Variants in DGCR8 observed in about 807,000 individuals in gnomAD.
DGCR8 encodes the protein microprocessor complex subunit DGCR8.
Under a neutral mutation model 78.5 loss-of-function variants are expected in DGCR8, and 14 were observed. The observed-to-expected ratio is 0.18, with a 90% CI of 0.12 to 0.28. The LOEUF (loss-of-function observed/expected upper bound fraction) is 0.28, where lower values mean the gene tolerates loss of function less well. Among genes scored for constraint, DGCR8 ranks in the 10% least tolerant of loss-of-function variants. The pLI, the probability that DGCR8 is intolerant of heterozygous loss-of-function variation, is 1.00. For synonymous variants in DGCR8, 399 were observed against 402.4 expected (o/e 0.99, Z 0.10); for missense variants, 702 against 1,022.5 (o/e 0.69, Z 4.28).
At position 20,105,009 on chromosome 22, in the gene DGCR8, C is replaced by T. The variant is rs1050544212; in HGVS notation, c.1789-1168C>T. Among the ~76,000 whole-genome samples, 3 of 152,232 alleles carry T rather than the reference C, an allele frequency of 2.0e-5. No homozygotes were observed. In the East Asian group the frequency reaches 5.8e-4, roughly 29 times the overall value. On this transcript the variant is annotated intron_variant, in intron 9 of 13. Transcript: ENST00000351989. ...AGGCTCCAGGTCCCTGCAGACCCCTCCAGAACAGGGCCAGTGGGGGAAGCA... is the reference window on the plus strand; with the variant it reads ...AGGCTCCAGGTCCCTGCAGACCCCTTCAGAACAGGGCCAGTGGGGGAAGCA...
rs751900418 is a variant in DGCR8 at position 20,094,699 on chromosome 22, CTT to C, written c.1706-7_1706-6del. 27 of 1,611,760 alleles carry C rather than the reference CTT, an allele frequency of 1.7e-5. No individual in the cohort carries two copies. The highest frequency in any genetic ancestry group is 2.0e-5 in the Non-Finnish European group (24 of 1,178,254). ...AGTGCCCAAGCCTCACCCTCGGGCT[CTT>C]TTTTTTCATAGCCCGAGCTACACTG... On this transcript the variant is annotated splice_polypyrimidine_tract_variant and intron_variant, in intron 8 of 13. Transcript: ENST00000351989.
chr22:20,109,723 T>C (rs1024668144), intron 13 of DGCR8, among the ~76,000 whole-genome samples: 6 of 152,210 alleles, frequency 3.9e-5, no homozygotes, highest in African/African-American at 1.4e-4. Flanking sequence ...GAACACCCAA[T>C]GGGGAGGCCT....
At chr22:20,106,357 G>T in intron 10 of DGCR8, 80 bp downstream of exon 10, 1 of 1,296,162 alleles carries the variant, frequency 7.7e-7, no homozygotes. Flanking sequence ...GTGGCTGTTT[G>T]TCCCAAGGCA....
rs1281233461 is a variant in DGCR8, at chr22:20,091,614, G to C, written c.1486G>C (p.Asp496His). The stretch of plus-strand genomic sequence containing the variant: ...GAAGCTCATTACTTTATCAGTGCAA[G>C]ATGCACCCACAAAGAAAGGTATAAG... ...NQKLITLSVQDAPTKKEFVIN... is the reference protein window; with the variant it reads ...NQKLITLSVQHAPTKKEFVIN... The change falls in exon 6 of 14, where the codon GAT becomes CAT. Residue 496 changes from aspartate (D) to histidine (H), a missense_variant. Physicochemically the swap from Asp to His is moderately conservative, Grantham distance 81. Around this residue, in one of 4 missense-constraint regions of DGCR8, gnomAD observed 225 missense variants for 427.7 expected, o/e 0.53. Coordinates refer to ENST00000351989, the MANE Select transcript of DGCR8 (RefSeq NM_022720.7). 7 of 1,614,196 alleles carry C rather than the reference G, an allele frequency of 4.3e-6. No individual in the cohort carries two copies. The South Asian group carries it at 7.7e-5, about 18-fold the overall frequency.
chr22:20,080,954 G>C (rs2049411299), intron 1 of DGCR8, among the ~76,000 whole-genome samples: 1 of 152,200 alleles, frequency 6.6e-6, no homozygotes, highest in African/African-American at 2.4e-5. Flanking sequence ...ATGCTTGCAT[G>C]TACCTTGTTC....
chr22:20,100,642 G>A (rs1029312809), intron 9 of DGCR8: 1 of 985,322 alleles, frequency 1.0e-6, no homozygotes, highest in African/African-American at 1.7e-5. Flanking sequence ...CAGGTTCTCA[G>A]CCTCCACTCT....
chr22:20,105,856 G>T (rs1178140488), intron 9 of DGCR8, among the ~76,000 whole-genome samples: 1 of 152,206 alleles, frequency 6.6e-6, no homozygotes, highest in Non-Finnish European at 1.5e-5. Context: ...TCTGAGAAGG[G>T]TGCCTTATGG....
chr22:20,104,140 G>A (rs1013630239), intron 9 of DGCR8, among the ~76,000 whole-genome samples: 11 of 151,906 alleles, frequency 7.2e-5, no homozygotes, highest in Admixed American at 3.3e-4. Context: ...CTTGGTGCAG[G>A]GCATCCTGGT....
chr22:20,094,620 G>T, intron 8 of DGCR8, 93 bp from the exon 9 acceptor site: 2 of 1,144,948 alleles, frequency 1.7e-6, no homozygotes, highest in Admixed American at 3.5e-5. Flanking sequence ...TCTGAGCTGT[G>T]GGGATGGGAG....
intron 5 of DGCR8, 144 bp downstream of exon 5, chr22:20,090,402 G>C (rs2049541573): frequency 2.9e-6 from 3 of 1,039,490 alleles, no homozygotes; most frequent in Non-Finnish European, 4.1e-6. Flanking sequence ...TGGCTGAAAG[G>C]CTTGTCTTCC....
intron 9 of DGCR8, among the ~76,000 whole-genome samples, chr22:20,096,830 A>G (rs1364269087): frequency 2.0e-5 from 3 of 152,158 alleles, no homozygotes; most frequent in Non-Finnish European, 4.4e-5. Flanking sequence ...GGTTTTTATC[A>G]GAATAAGGAA....
At chr22:20,092,433 G>T (rs2147923957) in intron 7 of DGCR8, among the ~76,000 whole-genome samples, 1 of 152,276 alleles carries the variant, frequency 6.6e-6, no homozygotes, top group African/African-American at 2.4e-5. Flanking sequence ...GAGCCTGGGG[G>T]TCACTCATCC....
Position 20,091,944 on chromosome 22 carries a change from G to A in DGCR8, c.1580G>A (p.Arg527His). The A allele has an allele frequency of 6.2e-7, 1 of 1,613,916 alleles. No homozygotes were observed. The highest frequency in any genetic ancestry group is 8.5e-7 in the Non-Finnish European group (1 of 1,179,876). ...HEYMQRVLKVRPVYNFFECEN... is the reference protein window; with the variant it reads ...HEYMQRVLKVHPVYNFFECEN... ...TACATGCAGCGTGTCCTCAAGGTCC[G>A]CCCTGTCTATAATTTCTTTGAATGT... The change falls in exon 7 of 14, where the codon CGC becomes CAC. Residue 527 changes from arginine to histidine, a missense_variant. Transcript: ENST00000351989.
chr22:20,086,783 AAAAC>A lies in DGCR8; in HGVS notation c.720+104_720+107del. On this transcript the variant is annotated intron_variant, in intron 2 of 13. Transcript: ENST00000351989. This position sits in a 1 kb window ranked among gnomAD's most constrained non-coding sequence, Gnocchi z 6.4. ...GAAAGCAGGGAAATTAAAAAAAAAAAAAACAAAAACCAAAATCCCCTCTGAGGTG... is the reference window on the plus strand; with the variant it reads ...GAAAGCAGGGAAATTAAAAAAAAAAAAAAAACCAAAATCCCCTCTGAGGTG... 5.8e-6 allele frequency: 8 copies of A among 1,382,366 alleles called. No homozygotes were observed. Among genetic ancestry groups the A allele is most frequent in the Non-Finnish European group, 5.8e-6 (6 of 1,030,584 alleles). 85.6% of individuals were successfully genotyped at this position (1,382,366 alleles called of 1,614,324 possible). A position where few individuals can be genotyped will look rare whatever the true frequency, so the allele number is the denominator to read the frequency against.
chr22:20,084,658 G>T (rs993284142), intron 1 of DGCR8, among the ~76,000 whole-genome samples: 2 of 152,082 alleles, frequency 1.3e-5, no homozygotes, highest in African/African-American at 2.4e-5. Context: ...TGTTCTCCTC[G>T]CCAGGCTCCT....
intron 9 of DGCR8, chr22:20,101,785 G>C: frequency 1.0e-6 from 1 of 985,354 alleles, no homozygotes; most frequent in Non-Finnish European, 1.2e-6. Context: ...CCAGCTGCCT[G>C]TGCAGAGGTG....
intron 9 of DGCR8, 104 bp downstream of exon 9, chr22:20,094,899 C>A: frequency 1.0e-6 from 1 of 964,888 alleles, no homozygotes; most frequent in Non-Finnish European, 1.7e-6. Context: ...TCATGCCTTC[C>A]ATGCCCTGTA....
chr22:20,109,158 C>A, intron 13 of DGCR8, 155 bp downstream of exon 13: 1 of 551,670 alleles, frequency 1.8e-6, no homozygotes, highest in South Asian at 2.0e-5. Context: ...CTTTGAGCTT[C>A]GACATGTGTG....
chr22:20,099,997 TACAG>T (rs1360823890), intron 9 of DGCR8, among the ~76,000 whole-genome samples: 1 of 152,152 alleles, frequency 6.6e-6, no homozygotes, highest in Non-Finnish European at 1.5e-5. Context: ...GTGGACAGGC[TACAG>T]ACAGATTGCA....
Sources: gnomAD v4.1 joint callset for allele counts (sites outside exome capture counted in the v4.1 genomes callset) on GRCh38, gnomAD v4.1.1 for gene constraint, gnomAD v4.1.1 regional missense constraint, Gnocchi (gnomAD v3.1) non-coding constraint, MANE v1.5 for transcripts, NCBI Gene and HGNC (gene_info 2026-07-23, HGNC 2026-07-21) for gene names.